Variants in ATP10A observed in about 807,000 individuals in gnomAD.
ATP10A encodes the protein ATPase phospholipid transporting 10A (putative), also known as phospholipid-transporting ATPase VA.
A neutral mutation model predicts 147.8 loss-of-function variants in ATP10A; 111 were observed. The ratio of observed to expected loss-of-function variants is 0.75; its 90% CI spans 0.64 to 0.88. ATP10A has a LOEUF of 0.88. ATP10A is among the 40% of genes least tolerant of loss of function. ATP10A has a pLI of 0.00. For missense variants in ATP10A, 1,927 were observed against 1,959.0 expected (o/e 0.98, Z 0.31); for synonymous variants, 875 against 841.6 (o/e 1.04, Z -0.69).
intron 1 of ATP10A, among the ~76,000 whole-genome samples, chr15:25,786,287 G>A (rs988328181): frequency 2.0e-5 from 3 of 152,154 alleles, no homozygotes; most frequent in South Asian, 4.2e-4. Flanking sequence ...TCCACACCTC[G>A]GCCTTCACCT....
chr15:25,748,818 G>A (rs72705815), intron 2 of ATP10A, among the ~76,000 whole-genome samples: 6,539 of 151,796 alleles, frequency 0.043, 194 homozygotes, highest in Non-Finnish European at 0.062. Flanking sequence ...ACTTTGGGAC[G>A]CCAAGATAGG....
At chr15:25,758,628 C>T (rs567831479) in intron 2 of ATP10A, among the ~76,000 whole-genome samples, 150 of 73,018 alleles carry the variant, frequency 2.1e-3, no homozygotes, top group Admixed American at 3.6e-3. Context: ...CTCATTCCGA[C>T]CACCTGCTCC....
Position 25,718,332 on chromosome 15 carries a change from C to T in ATP10A, c.1431G>A (p.Ser477=), listed in dbSNP as rs377377929. The T allele has an allele frequency of 5.0e-6, 8 of 1,610,558 alleles. No individual in the cohort carries two copies. Among genetic ancestry groups the T allele is most frequent in the Middle Eastern group, 1.7e-4 (1 of 5,786 alleles). The part of the protein sequence containing the change: ...EEEEVVPRGG[S]VSQRGSIGSH... The stretch of plus-strand genomic sequence containing the variant: ...TGCCGATGCTGCCGCGCTGGGACAC[C>T]GAGCCCCCTCTGGGCACCACCTCCT... The change falls in exon 8 of 21, where the codon TCG becomes TCA. Residue 477 remains serine (S), a synonymous_variant. Coordinates refer to ENST00000555815, the MANE Select transcript of ATP10A (RefSeq NM_024490.4).
At chr15:25,732,801 C>A (rs990141822) in intron 3 of ATP10A, among the ~76,000 whole-genome samples, 2 of 151,852 alleles carry the variant, frequency 1.3e-5, no homozygotes, top group Admixed American at 6.6e-5. Context: ...ATGATCTGCC[C>A]GCCCCGGCCT....
chr15:25,713,623 T>C, intron 10 of ATP10A, 51 bp downstream of exon 10: 1 of 1,553,092 alleles, frequency 6.4e-7, no homozygotes, highest in South Asian at 1.2e-5. Flanking sequence ...GGGATATTTC[T>C]CAGGACCTCC....
At chr15:25,728,680 T>TA (rs750861897) in intron 3 of ATP10A, among the ~76,000 whole-genome samples, 3 of 152,236 alleles carry the variant, frequency 2.0e-5, no homozygotes, top group Non-Finnish European at 4.4e-5. Flanking sequence ...TTATGCTTAT[T>TA]AAGGACAAAC....
intron 1 of ATP10A, among the ~76,000 whole-genome samples, chr15:25,843,979 G>A (rs949085604): frequency 5.3e-5 from 8 of 152,104 alleles, no homozygotes; most frequent in African/African-American, 1.9e-4. Context: ...ATCACCCACC[G>A]CCAAAACTGA....
At chr15:25,702,722 G>A (rs1900741068) in intron 12 of ATP10A, among the ~76,000 whole-genome samples, 1 of 151,022 alleles carries the variant, frequency 6.6e-6, no homozygotes, top group Admixed American at 6.6e-5. Flanking sequence ...ATCTACTATT[G>A]ACTGCGGAAA....
intron 1 of ATP10A, among the ~76,000 whole-genome samples, chr15:25,783,153 G>A (rs1054245829): frequency 1.4e-4 from 22 of 152,182 alleles, no homozygotes; most frequent in African/African-American, 5.3e-4. Context: ...TCCAGCCTGG[G>A]TGACAGAGGC....
At chr15:25,680,663 G>T in intron 19 of ATP10A, 147 bp downstream of exon 19, 2 of 794,466 alleles carry the variant, frequency 2.5e-6, no homozygotes, top group Admixed American at 2.0e-5. Context: ...TCGGGAATGT[G>T]TCATTGTCCT....
chr15:25,781,536 T>TA (rs1567379635), intron 1 of ATP10A, among the ~76,000 whole-genome samples: 1 of 151,914 alleles, frequency 6.6e-6, no homozygotes, highest in Non-Finnish European at 1.5e-5. Context: ...GTGCCTGTAG[T>TA]CCCAGCTACT....
At chr15:25,776,325 G>A (rs544909777) in intron 2 of ATP10A, among the ~76,000 whole-genome samples, 1 of 152,300 alleles carries the variant, frequency 6.6e-6, no homozygotes, top group African/African-American at 2.4e-5. Flanking sequence ...CCACACTGAC[G>A]GATGGGGTGG....
intron 1 of ATP10A, among the ~76,000 whole-genome samples, chr15:25,800,053 C>T (rs1890863494): frequency 6.6e-6 from 1 of 152,188 alleles, no homozygotes. Context: ...AGACACCAAA[C>T]TCGCCTGGGG....
Position 25,804,513 on chromosome 15 carries a change from T to G in ATP10A, c.450-23290A>C, listed in dbSNP as rs114961633. 3.2e-3 allele frequency among the ~76,000 whole-genome samples: 488 copies of G among 151,708 alleles called. 3 individuals carry two copies. The highest frequency in any genetic ancestry group is 0.011 in the African/African-American group (468 of 41,122). On this transcript the variant is annotated intron_variant, in intron 1 of 20. Transcript: ENST00000555815. ...TGTGTCTGTGTGTGTGTGACGTGTGTGTACATGCATGAATGAGCACATATG... is the reference window on the plus strand; with the variant it reads ...TGTGTCTGTGTGTGTGTGACGTGTGGGTACATGCATGAATGAGCACATATG...
intron 1 of ATP10A, among the ~76,000 whole-genome samples, chr15:25,832,232 C>G (rs992547222): frequency 6.6e-6 from 1 of 152,210 alleles, no homozygotes; most frequent in Non-Finnish European, 1.5e-5. Flanking sequence ...CCTGCCCACA[C>G]GCTGGTCTCA....
At chr15:25,708,673 A>C (rs1901204439) in intron 10 of ATP10A, 1 of 179,532 alleles carries the variant, frequency 5.6e-6, no homozygotes, top group South Asian at 1.2e-4. Context: ...TGAAAATAAA[A>C]ACTACATCAA....
chr15:25,773,287 T>C (rs1020756223), intron 2 of ATP10A, among the ~76,000 whole-genome samples: 2 of 152,202 alleles, frequency 1.3e-5, no homozygotes, highest in Middle Eastern at 3.4e-3. Flanking sequence ...ATTGCATAGG[T>C]TGAACGAGGG....
chr15:25,777,765 A>G (rs1331339920), intron 2 of ATP10A, among the ~76,000 whole-genome samples: 1 of 133,784 alleles, frequency 7.5e-6, no homozygotes, highest in African/African-American at 2.8e-5. Context: ...ATATCTGGCA[A>G]TTTTTTTTCT....
chr15:25,799,010 G>C (rs1890815005), intron 1 of ATP10A, among the ~76,000 whole-genome samples: 1 of 152,156 alleles, frequency 6.6e-6, no homozygotes, highest in Admixed American at 6.5e-5. Flanking sequence ...TAAGGTGCCT[G>C]TTTGGCCCCT....
Sources: allele counts gnomAD v4.1 joint callset (sites outside exome capture counted in the v4.1 genomes callset), GRCh38; gene constraint gnomAD v4.1.1; transcripts MANE v1.5; gene names NCBI Gene and HGNC (gene_info 2026-07-23, HGNC 2026-07-21).